The following SCAPER variants were observed in gnomAD, a reference collection of about 807,000 sequenced individuals.
SCAPER encodes S phase cyclin A-associated protein in the endoplasmic reticulum.
Under a neutral mutation model 182.2 loss-of-function variants are expected in SCAPER, and 98 were observed. The ratio of observed to expected loss-of-function variants is 0.54; its 90% CI spans 0.46 to 0.64. The LOEUF (loss-of-function observed/expected upper bound fraction) is 0.64. Ranked by LOEUF, SCAPER falls within the 30% of genes least tolerant of loss-of-function variation. The pLI is 0.00. For synonymous variants in SCAPER, 605 were observed against 564.6 expected (o/e 1.07, Z -1.01); for missense variants, 1,432 against 1,690.0 (o/e 0.85, Z 2.68).
chr15:76,769,658 G>A (rs925046363), intron 10 of SCAPER, among the ~76,000 whole-genome samples: 2 of 152,044 alleles, frequency 1.3e-5, no homozygotes, highest in African/African-American at 4.8e-5. Flanking sequence ...TAAAAAGTCA[G>A]GAAACAACAG....
intron 9 of SCAPER, chr15:76,774,265 C>CAA: frequency 2.5e-4 from 56 of 224,306 alleles, no homozygotes; most frequent in South Asian, 6.0e-4. Flanking sequence ...GGACAATGTA[C>CAA]AAAAAAAAAA....
chr15:76,562,184 G>T (rs911081348), intron 23 of SCAPER, among the ~76,000 whole-genome samples: 41 of 144,174 alleles, frequency 2.8e-4, no homozygotes, highest in African/African-American at 1.0e-3. Context: ...ATACCAAATG[G>T]ACAAGAGACT....
intron 10 of SCAPER, among the ~76,000 whole-genome samples, chr15:76,770,246 CTAAAG>C (rs1437375934): frequency 6.6e-6 from 1 of 151,642 alleles, no homozygotes; most frequent in African/African-American, 2.4e-5. Flanking sequence ...GGAAAAATAC[CTAAAG>C]TAAATGACGA....
intron 24 of SCAPER, among the ~76,000 whole-genome samples, chr15:76,483,942 T>C (rs1395917480): frequency 6.6e-6 from 1 of 152,140 alleles, no homozygotes; most frequent in Non-Finnish European, 1.5e-5. Flanking sequence ...TGGTAGTTCT[T>C]TATAAAGCTA....
intron 20 of SCAPER, among the ~76,000 whole-genome samples, chr15:76,687,954 C>T (rs543393576): frequency 9.2e-5 from 14 of 151,952 alleles, no homozygotes; most frequent in Non-Finnish European, 1.9e-4. Context: ...GGGTATATAC[C>T]CAGTAATGGG....
intron 25 of SCAPER, among the ~76,000 whole-genome samples, chr15:76,464,610 G>T (rs1457472771): frequency 6.6e-6 from 1 of 152,078 alleles, no homozygotes; most frequent in Non-Finnish European, 1.5e-5. Flanking sequence ...GTGTTTAAGA[G>T]TCAATTGTAT....
intron 15 of SCAPER, among the ~76,000 whole-genome samples, chr15:76,748,633 A>T (rs1239844777): frequency 6.6e-6 from 1 of 151,450 alleles, no homozygotes; most frequent in African/African-American, 2.4e-5. Context: ...ACATACAAGG[A>T]ACTCGTATAA....
At chr15:76,706,058 T>C in intron 17 of SCAPER, 74 bp from the exon 18 acceptor site, 1 of 1,140,584 alleles carries the variant, frequency 8.8e-7, no homozygotes, top group Non-Finnish European at 1.2e-6. Context: ...AAAATACAAT[T>C]AGGACACATA....
At chr15:76,458,431 T>C (rs556909017) in intron 25 of SCAPER, among the ~76,000 whole-genome samples, 480 of 152,158 alleles carry the variant, frequency 3.2e-3, no homozygotes, top group African/African-American at 0.011. Context: ...CACATATATA[T>C]ACACATATAT....
At chr15:76,459,542 G>T (rs2048993610) in intron 25 of SCAPER, among the ~76,000 whole-genome samples, 1 of 17,210 alleles carries the variant, frequency 5.8e-5, no homozygotes, top group African/African-American at 1.2e-4. Flanking sequence ...GAATTATTAG[G>T]GTTTTTTTTT....
chr15:76,383,933 CA>C (rs1156344971), intron 27 of SCAPER, among the ~76,000 whole-genome samples: 2 of 152,106 alleles, frequency 1.3e-5, no homozygotes, highest in Non-Finnish European at 2.9e-5. Flanking sequence ...TCAATAAAAA[CA>C]AAAGTTTAAG....
intron 26 of SCAPER, among the ~76,000 whole-genome samples, chr15:76,421,023 A>C (rs920826657): frequency 6.6e-6 from 1 of 152,158 alleles, no homozygotes; most frequent in Non-Finnish European, 1.5e-5. Context: ...TCTATCAATG[A>C]TGTACATCTG....
intron 23 of SCAPER, among the ~76,000 whole-genome samples, chr15:76,552,230 C>T (rs11854850): frequency 0.32 from 48,456 of 151,940 alleles, 7,990 homozygotes; most frequent in East Asian, 0.55. Context: ...TTGCAGTGAG[C>T]TGACTGCGTC....
intron 27 of SCAPER, among the ~76,000 whole-genome samples, chr15:76,383,630 C>A (rs566927188): frequency 6.6e-6 from 1 of 152,334 alleles, no homozygotes; most frequent in East Asian, 1.9e-4. Context: ...AGTTATTCAT[C>A]CTGTCATTGT....
chr15:76,535,910 T>C (rs1427325316), intron 23 of SCAPER, among the ~76,000 whole-genome samples: 6 of 152,206 alleles, frequency 3.9e-5, no homozygotes, highest in Non-Finnish European at 1.5e-5. Flanking sequence ...TTTGTGGGCC[T>C]GTATTATCCC....
intron 17 of SCAPER, among the ~76,000 whole-genome samples, chr15:76,709,477 A>G (rs2059448053): frequency 6.6e-6 from 1 of 152,130 alleles, no homozygotes; most frequent in Non-Finnish European, 1.5e-5. Flanking sequence ...AAAAAGACAA[A>G]TTCCTAGGAA....
chr15:76,591,786 G>T (rs2469244), intron 22 of SCAPER, among the ~76,000 whole-genome samples: 19 of 152,102 alleles, frequency 1.2e-4, no homozygotes, highest in Admixed American at 5.9e-4. Flanking sequence ...AGGCTGGGCC[G>T]CAGTGGCACA....
intron 27 of SCAPER, among the ~76,000 whole-genome samples, chr15:76,386,617 T>C (rs1350878931): frequency 1.3e-5 from 2 of 152,148 alleles, no homozygotes; most frequent in Admixed American, 1.3e-4. Context: ...TTCTAAGGCA[T>C]TATTTAAGCA....
intron 8 of SCAPER, among the ~76,000 whole-genome samples, chr15:76,780,372 G>A (rs780708830): frequency 4.6e-5 from 7 of 152,226 alleles, no homozygotes; most frequent in South Asian, 2.1e-4. Context: ...CAAAGTGGCC[G>A]GGAAGCTCGA....
Sources: allele counts gnomAD v4.1 joint callset (sites outside exome capture counted in the v4.1 genomes callset), GRCh38; gene constraint gnomAD v4.1.1; transcripts MANE v1.5; gene names NCBI Gene and HGNC (gene_info 2026-07-23, HGNC 2026-07-21).